The following SLC2A5 variants were observed in gnomAD, a reference collection of about 807,000 sequenced individuals.
SLC2A5 encodes solute carrier family 2, facilitated glucose transporter member 5.
Under a neutral mutation model 50.3 loss-of-function variants are expected in SLC2A5, and 56 were observed. The observed-to-expected ratio is 1.11, with a 90% CI of 0.90 to 1.39. The LOEUF (loss-of-function observed/expected upper bound fraction) is 1.39. SLC2A5 is among the 40% of genes most tolerant of loss of function. The pLI is 0.00. For missense variants in SLC2A5, 566 were observed against 650.1 expected, an observed-to-expected ratio of 0.87 and a Z score of 1.41; for synonymous variants, 269 against 281.9, an observed-to-expected ratio of 0.95 and a Z score of 0.46.
chr1:9,081,275 A>C (rs1642348129), intron 2 of SLC2A5, among the ~76,000 whole-genome samples: 5 of 145,424 alleles, frequency 3.4e-5, no homozygotes, highest in African/African-American at 8.0e-5. Flanking sequence ...AAAAAAAAAA[A>C]AAAACCCCAA....
At chr1:9,069,734 T>A, upstream of SLC2A5, 2 of 623,748 alleles carry the variant, frequency 3.2e-6, no homozygotes, top group Non-Finnish European at 2.8e-6. Context: ...AAATGAAACG[T>A]CTGGGGTTTG....
At chr1:9,049,954 T>C (rs994318090) in intron 3 of SLC2A5, among the ~76,000 whole-genome samples, 4 of 151,538 alleles carry the variant, frequency 2.6e-5, no homozygotes, top group African/African-American at 9.7e-5. Flanking sequence ...CTGGGCAACA[T>C]AGTGAGACGC....
chr1:9,061,281 C>CA (rs148475993), intron 1 of SLC2A5, among the ~76,000 whole-genome samples: 45,110 of 111,346 alleles, frequency 0.41, 8,990 homozygotes, highest in African/African-American at 0.48. Context: ...GACCCTGTCT[C>CA]AAAAAAAAAA....
Position 9,037,851 on chromosome 1 carries a change from C to G in SLC2A5, c.1302+46G>C, listed in dbSNP as rs374026486. The G allele has an allele frequency of 8.1e-6, 13 of 1,613,802 alleles. No individual in the cohort carries two copies. The African/African-American group carries it at 1.5e-4, about 18-fold the overall frequency. The stretch of plus-strand genomic sequence containing the variant: ...GGTTTGCCCAGGGGCTCGCACTGTA[C>G]TGCATGGGGATCTGGTGGTGAGCGT... On this transcript the variant is annotated intron_variant, in intron 11 of 11. Coordinates refer to ENST00000377424, the MANE Select transcript of SLC2A5 (RefSeq NM_003039.3).
At chr1:9,039,510 G>A (rs1053939047) in intron 8 of SLC2A5, 42 bp downstream of exon 8, 41 of 1,446,566 alleles carry the variant, frequency 2.8e-5, no homozygotes, top group Non-Finnish European at 3.8e-5. Flanking sequence ...GGGGCCCGAG[G>A]GGCCTTGGGT....
rs562143886 is a variant in SLC2A5, at chr1:9,087,922, G to T, written c.-188+450C>A. ...TTCCAACTGGAACATCCAACATTTGGCTTATGGGGGAACCTAAAGCCAAAG... is the reference window on the plus strand; with the variant it reads ...TTCCAACTGGAACATCCAACATTTGTCTTATGGGGGAACCTAAAGCCAAAG... On this transcript the variant is annotated intron_variant, in intron 1 of 5. Transcript: ENST00000464985. Among the ~76,000 whole-genome samples, 13 of 152,054 alleles carry T rather than the reference G, an allele frequency of 8.5e-5. No individual in the cohort carries two copies. The South Asian group carries it at 2.7e-3, about 32-fold the overall frequency.
intron 8 of SLC2A5, among the ~76,000 whole-genome samples, chr1:9,039,313 C>T (rs1375501225): frequency 6.6e-6 from 1 of 152,232 alleles, no homozygotes; most frequent in African/African-American, 2.4e-5. Flanking sequence ...CAGCAGTGGG[C>T]GCTGCCTGGT....
chr1:9,086,387 C>CTT (rs34593630), intron 1 of SLC2A5, among the ~76,000 whole-genome samples: 46 of 140,544 alleles, frequency 3.3e-4, no homozygotes, highest in African/African-American at 8.2e-4. Flanking sequence ...TTTTCTCTCT[C>CTT]TTTTTTTTTT....
intron 8 of SLC2A5, among the ~76,000 whole-genome samples, 163 bp from the exon 9 acceptor site, chr1:9,039,092 G>A (rs576667774): frequency 4.6e-5 from 7 of 152,380 alleles, no homozygotes; most frequent in Admixed American, 1.3e-4. Flanking sequence ...GGCAGCCAGC[G>A]GGAAGTCGGC....
chr1:9,083,430 A>G (rs1642373168), intron 2 of SLC2A5, among the ~76,000 whole-genome samples: 1 of 152,224 alleles, frequency 6.6e-6, no homozygotes, highest in Non-Finnish European at 1.5e-5. Flanking sequence ...GGGGCCCTGA[A>G]AAACAGGATG....
intron 2 of SLC2A5, among the ~76,000 whole-genome samples, chr1:9,083,154 C>T (rs550528782): frequency 1.3e-5 from 2 of 152,214 alleles, no homozygotes; most frequent in East Asian, 1.9e-4. Context: ...AAGACAACTA[C>T]TTTGCTGGGA....
At chr1:9,086,173 G>A (rs1642399563) in intron 1 of SLC2A5, among the ~76,000 whole-genome samples, 1 of 152,156 alleles carries the variant, frequency 6.6e-6, no homozygotes, top group Non-Finnish European at 1.5e-5. Context: ...TTTCTCAAGG[G>A]CTCTTTCTCC....
At chr1:9,082,918 G>T in intron 2 of SLC2A5, 3 of 243,318 alleles carry the variant, frequency 1.2e-5, no homozygotes, top group South Asian at 1.2e-4. Flanking sequence ...GCTGCCAGGG[G>T]CTGGGGGCAG....
rs1407785177 is a variant in SLC2A5, at chr1:9,037,566, C to T, written c.*20G>A. The T allele has an allele frequency of 6.2e-7, 1 of 1,609,452 alleles. No homozygotes were observed. The highest frequency in any genetic ancestry group is 1.3e-5 in the African/African-American group (1 of 74,814). On this transcript the variant is annotated 3_prime_UTR_variant, in exon 12 of 12. Coordinates refer to ENST00000377424, the MANE Select transcript of SLC2A5 (RefSeq NM_003039.3). ...TGGGAAGCCCCTGGCAGACCAGCTC[C>T]ACTGGCTTCCTCTCCAGAGTCACTG... is the stretch of plus-strand genomic sequence containing the variant.
rs1641264191 is a variant in SLC2A5, at chr1:9,040,201, G to A, written c.572-12C>T. On this transcript the variant is annotated splice_polypyrimidine_tract_variant and intron_variant, in intron 5 of 11. Transcript: ENST00000377424. The surrounding 1 kb of genome is among the most constrained non-coding windows in gnomAD (Gnocchi z 4.3). ...CAGGATCGGCCAGCCTGGGAGGAAG[G>A]CAGCGAGCTGGCACCAGCGGCCTCC... is the stretch of plus-strand genomic sequence containing the variant. The A allele has an allele frequency of 1.3e-6, 2 of 1,545,694 alleles. No individual in the cohort carries two copies. The highest frequency in any genetic ancestry group is 1.7e-6 in the Non-Finnish European group (2 of 1,146,680).
At chr1:9,082,356 G>A (rs1302867614) in intron 2 of SLC2A5, among the ~76,000 whole-genome samples, 2 of 152,182 alleles carry the variant, frequency 1.3e-5, no homozygotes, top group Non-Finnish European at 2.9e-5. Context: ...CAGCCAAAAT[G>A]TCCATCAGTG....
At chr1:9,087,004 C>G (rs535131916) in intron 1 of SLC2A5, among the ~76,000 whole-genome samples, 1 of 152,256 alleles carries the variant, frequency 6.6e-6, no homozygotes, top group East Asian at 1.9e-4. Context: ...AGAGACATTC[C>G]AACCCCACAA....
At chr1:9,073,251 G>T (rs998749604), upstream of SLC2A5, 2 of 152,246 alleles carry the variant, frequency 1.3e-5, no homozygotes, top group African/African-American at 2.4e-5. Flanking sequence ...AATCCATTTG[G>T]TCAGTGCCTC....
In SLC2A5 at chr1:9,037,638, T is replaced by C; in HGVS notation, c.1454A>G (p.Tyr485Cys). Residue 485 changes from tyrosine to cysteine, a missense_variant, in exon 12 of 12, where the codon TAC becomes TGC. By Grantham distance (194) the Tyr-to-Cys change is radical. Transcript: ENST00000377424. ...CTCTTTCAGTTCCTCCTTTTCCGGG[T>C]ACACTTCAGACACCTTATTCATCTT... ...FTKMNKVSEV[Y>C]PEKEELKELP... 2 of 1,614,184 alleles carry C rather than the reference T, an allele frequency of 1.2e-6. No individual in the cohort carries two copies. The highest frequency in any genetic ancestry group is 1.7e-6 in the Non-Finnish European group (2 of 1,180,030).
Sources: allele counts gnomAD v4.1 joint callset (sites outside exome capture counted in the v4.1 genomes callset), GRCh38; gene constraint gnomAD v4.1.1; non-coding constraint Gnocchi (gnomAD v3.1); transcripts MANE v1.5; gene names NCBI Gene and HGNC (gene_info 2026-07-23, HGNC 2026-07-21).